Variants in KIF19 observed in about 807,000 individuals in gnomAD.
KIF19 encodes kinesin family member 19, also known as kinesin-like protein KIF19.
A neutral mutation model predicts 106.6 loss-of-function variants in KIF19; 98 were observed. The observed-to-expected ratio is 0.92, with a 90% confidence interval of 0.78 to 1.09. The LOEUF is 1.09. KIF19 is among the 50% of genes least tolerant of loss of function. The pLI, the probability that KIF19 is intolerant of heterozygous loss-of-function variation, is 0.00. For synonymous variants in KIF19, 516 were observed against 584.2 expected (o/e 0.88, Z 1.68); for missense variants, 1,373 against 1,414.3 (o/e 0.97, Z 0.47).
intron 9 of KIF19, chr17:74,348,669 C>G (rs2054603339): frequency 6.0e-6 from 1 of 165,514 alleles, no homozygotes; most frequent in Middle Eastern, 5.1e-4. Context: ...TTCCTAATAG[C>G]AGGTAAATGA....
chr17:74,352,090 G>A lies in KIF19; in HGVS notation c.1811G>A (p.Arg604His), dbSNP rs751181401. Residue 604 changes from arginine to histidine, a missense_variant, in exon 13 of 20, where the codon CGC becomes CAC. Around this residue, in one of 3 missense-constraint regions of KIF19, gnomAD observed 1,020 missense variants for 1,008.2 expected, o/e 1.01. Transcript: ENST00000389916. ...GCCGTGCGCCGCCTGGAGCAGCACC[G>A]CAGTCTCTGCGACGAGATTATCCAG... ...HEAVRRLEQHRSLCDEIIQGQ... is the reference protein window; with the variant it reads ...HEAVRRLEQHHSLCDEIIQGQ... 4.7e-5 allele frequency: 75 copies of A among 1,588,346 alleles called. No individual in the cohort carries two copies. The Middle Eastern group carries it at 1.3e-3, about 28-fold the overall frequency.
intron 2 of KIF19, among the ~76,000 whole-genome samples, chr17:74,338,056 C>A (rs899065265): frequency 1.3e-5 from 2 of 152,220 alleles, no homozygotes; most frequent in Non-Finnish European, 2.9e-5. Flanking sequence ...ATGCCCAGGA[C>A]GCTGTGAACT....
chr17:74,344,334 A>G lies in KIF19; in HGVS notation c.568A>G (p.Ile190Val). 6.2e-7 allele frequency: 1 copy of G among 1,612,638 alleles called. No individual in the cohort carries two copies. Among genetic ancestry groups the G allele is most frequent in the Non-Finnish European group, 8.5e-7 (1 of 1,179,728 alleles). Residue 190 changes from isoleucine to valine, a missense_variant, in exon 6 of 20, where the codon ATC (isoleucine) becomes GTC (valine). Transcript: ENST00000389916. ...GGCCGGCATCACCGAAGTCTCCACCATCAATGCCAAGGAGGCGAGTTTTGT... is the reference window on the plus strand; with the variant it reads ...GGCCGGCATCACCGAAGTCTCCACCGTCAATGCCAAGGAGGCGAGTTTTGT... ...QVAGITEVST[I>V]NAKEIMQLLM...
rs1023240206 is a variant in KIF19, at chr17:74,346,200, G to T, written c.778-178G>T. The stretch of plus-strand genomic sequence containing the variant: ...GTCAGCCCATCACTCTTGTTCAGAG[G>T]CCTCTGGGTCTCTTAACCTTCTCCA... On this transcript the variant is annotated intron_variant, in intron 7 of 19. Coordinates refer to ENST00000389916, the MANE Select transcript of KIF19 (RefSeq NM_153209.4). This position sits in a 1 kb window ranked among gnomAD's most constrained non-coding sequence, Gnocchi z 4.6. Among the ~76,000 whole-genome samples the T allele has an allele frequency of 6.6e-6, 1 of 152,228 alleles. No individual in the cohort carries two copies. Among genetic ancestry groups the T allele is most frequent in the South Asian group, 2.1e-4 (1 of 4,832 alleles).
In KIF19 at chr17:74,331,593, T is replaced by C. The variant is rs2054083316; in HGVS notation, c.120+3088T>C. The stretch of plus-strand genomic sequence containing the variant: ...TCGGATTTGGATTTTTTTTTTTTTC[T>C]TGTGATGGAGTCTTGCTCTGTCACC... On this transcript the variant is annotated intron_variant, in intron 2 of 19. Transcript: ENST00000389916. This position sits in a 1 kb window ranked among gnomAD's most constrained non-coding sequence, Gnocchi z 4.1. Among the ~76,000 whole-genome samples the C allele has an allele frequency of 6.8e-6, 1 of 147,640 alleles. No individual in the cohort carries two copies. Among genetic ancestry groups the C allele is most frequent in the Admixed American group, 6.9e-5 (1 of 14,516 alleles).
Position 74,348,701 on chromosome 17 carries a change from C to A in KIF19, c.1048-483C>A, listed in dbSNP as rs549194013. 2.9e-5 allele frequency: 5 copies of A among 172,228 alleles called. No individual in the cohort carries two copies. In the East Asian group the frequency reaches 9.1e-4, roughly 31 times the overall value. 10.7% of individuals were successfully genotyped at this position (172,228 alleles called of 1,614,324 possible). On this transcript the variant is annotated intron_variant, in intron 9 of 19. Transcript: ENST00000389916. ...ATGATGCCAATGGTAGGTGCTGGGG[C>A]AAGACAGGAACAGGAGGTGGGGGTG...
intron 19 of KIF19, 66 bp from the exon 20 acceptor site, chr17:74,355,116 G>A (rs1195771749): frequency 1.1e-5 from 17 of 1,551,790 alleles, no homozygotes; most frequent in Non-Finnish European, 1.5e-5. Flanking sequence ...CAAGGCCACT[G>A]GGTGATGGGA....
In KIF19 at chr17:74,344,218, G is replaced by T. The variant is rs563683748; in HGVS notation, c.457-5G>T. On this transcript the variant is annotated splice_polypyrimidine_tract_variant and splice_region_variant and intron_variant, in intron 5 of 19. Coordinates refer to ENST00000389916, the MANE Select transcript of KIF19 (RefSeq NM_153209.4). The stretch of plus-strand genomic sequence containing the variant: ...CCCCCACCCCTCCCCCACCTGTCCC[G>T]TCAGATCTACAATGAGATGATCCGG... 1 of 1,582,216 alleles carries T rather than the reference G, an allele frequency of 6.3e-7. No individual in the cohort carries two copies. The highest frequency in any genetic ancestry group is 8.7e-7 in the Non-Finnish European group (1 of 1,155,814).
intron 10 of KIF19, 50 bp downstream of exon 10, chr17:74,349,399 G>T: frequency 6.6e-7 from 1 of 1,517,078 alleles, no homozygotes; most frequent in African/African-American, 1.4e-5. Flanking sequence ...CCAGCCTCAC[G>T]TTGCTCTGGG....
intron 17 of KIF19, 74 bp downstream of exon 17, chr17:74,353,655 C>A: frequency 1.7e-6 from 2 of 1,211,206 alleles, no homozygotes; most frequent in Non-Finnish European, 2.4e-6. Flanking sequence ...AGCTCAAAGC[C>A]CTTTCCTGCC....
rs1199896430 is a variant in KIF19, at chr17:74,354,771, A to G, written c.2707-11A>G. 8 of 1,552,670 alleles carry G rather than the reference A, an allele frequency of 5.2e-6. No homozygotes were observed. Among genetic ancestry groups the G allele is most frequent in the Non-Finnish European group, 7.0e-6 (8 of 1,147,092 alleles). On this transcript the variant is annotated splice_polypyrimidine_tract_variant and intron_variant, in intron 18 of 19. Transcript: ENST00000389916. The stretch of plus-strand genomic sequence containing the variant: ...CGCTCTCGGCCTCACCCCACTGTTC[A>G]ACCATCACAGCTCTCCCACCCCAAG...
intron 2 of KIF19, among the ~76,000 whole-genome samples, chr17:74,340,555 G>GCGCGCGCACACACACA: frequency 1.4e-4 from 21 of 148,306 alleles, no homozygotes; most frequent in African/African-American, 4.3e-4. Context: ...ATGCGCGCGC[G>GCGCGCGCACACACACA]TACACACACA....
chr17:74,332,950 G>C (rs987075218), intron 2 of KIF19, among the ~76,000 whole-genome samples: 5 of 152,194 alleles, frequency 3.3e-5, no homozygotes, highest in African/African-American at 1.2e-4. Flanking sequence ...CACCCACCCC[G>C]AGAGCTGTCG....
At chr17:74,335,490 C>T (rs2054196081) in intron 2 of KIF19, among the ~76,000 whole-genome samples, 1 of 152,268 alleles carries the variant, frequency 6.6e-6, no homozygotes. Flanking sequence ...CCTCCTCTCC[C>T]TGGCCTGAGG....
rs901956058 is a variant in KIF19, at chr17:74,346,226, A to G, written c.778-152A>G. ...CCTCTGGGTCTCTTAACCTTCTCCA[A>G]TGCCCTCAGTGGCCTTGGCAGGAGG... On this transcript the variant is annotated intron_variant, in intron 7 of 19. Coordinates refer to ENST00000389916, the MANE Select transcript of KIF19 (RefSeq NM_153209.4). The surrounding 1 kb of genome is among the most constrained non-coding windows in gnomAD (Gnocchi z 4.6). 1.3e-5 allele frequency among the ~76,000 whole-genome samples: 2 copies of G among 152,224 alleles called. No homozygotes were observed. The highest frequency in any genetic ancestry group is 2.4e-5 in the African/African-American group (1 of 41,546).
chr17:74,344,902 C>A lies in KIF19; in HGVS notation c.724C>A (p.Arg242=). The A allele has an allele frequency of 6.2e-7, 1 of 1,611,780 alleles. No individual in the cohort carries two copies. The highest frequency in any genetic ancestry group is 8.5e-7 in the Non-Finnish European group (1 of 1,179,686). The part of the protein sequence containing the change: ...SRVKNILQEV[R]QGRLFMIDLA... ...GGTCAAGAACATCTTGCAGGAGGTGCGGCAGGGCCGCCTGTTCATGATCGA... is the reference window on the plus strand; with the variant it reads ...GGTCAAGAACATCTTGCAGGAGGTGAGGCAGGGCCGCCTGTTCATGATCGA... Residue 242 remains arginine (R), a synonymous_variant, in exon 7 of 20, where the codon CGG becomes AGG. Coordinates refer to ENST00000389916, the MANE Select transcript of KIF19 (RefSeq NM_153209.4).
chr17:74,327,476 T>C (rs2053945573), intron 1 of KIF19, among the ~76,000 whole-genome samples: 1 of 152,124 alleles, frequency 6.6e-6, no homozygotes, highest in South Asian at 2.1e-4. Flanking sequence ...CCTTTTGTTT[T>C]GTTTTGTTTT....
At chr17:74,351,193 G>GT in intron 12 of KIF19, 1 of 435,754 alleles carries the variant, frequency 2.3e-6, no homozygotes. Context: ...TATAATTAGG[G>GT]TTTTTCAGGC....
Position 74,350,406 on chromosome 17 carries a change from G to T in KIF19, c.1219G>T (p.Val407Phe), listed in dbSNP as rs373013865. The change falls in exon 11 of 20, where the codon GTC becomes TTC. Residue 407 changes from valine to phenylalanine, a missense_variant. Coordinates refer to ENST00000389916, the MANE Select transcript of KIF19 (RefSeq NM_153209.4). ...RGDIRHIQAEVQLHSGQGEKA... is the reference protein window; with the variant it reads ...RGDIRHIQAEFQLHSGQGEKA... Reference sequence around the variant, plus strand: ...CCACCCTCACCCATCGGCAGCTGAGGTCCAGCTGCACAGCGGGCAGGGTGA... The same window carrying T: ...CCACCCTCACCCATCGGCAGCTGAGTTCCAGCTGCACAGCGGGCAGGGTGA... 52 of 1,596,402 alleles carry T rather than the reference G, an allele frequency of 3.3e-5. No individual in the cohort carries two copies. In the African/African-American group the frequency reaches 5.8e-4, roughly 18 times the overall value.
Sources: allele counts gnomAD v4.1 joint callset (sites outside exome capture counted in the v4.1 genomes callset), GRCh38; gene constraint gnomAD v4.1.1; regional missense constraint gnomAD v4.1.1; non-coding constraint Gnocchi (gnomAD v3.1); transcripts MANE v1.5; gene names NCBI Gene and HGNC (gene_info 2026-07-23, HGNC 2026-07-21).